Variants in GPC5 observed in about 807,000 individuals in gnomAD.
The protein encoded by GPC5 is glypican-5.
Under a neutral mutation model 53.9 loss-of-function variants are expected in GPC5, and 47 were observed. That is an observed-to-expected ratio of 0.87 (90% confidence interval 0.69 to 1.11). GPC5 has a LOEUF of 1.11. Ranked by LOEUF, GPC5 falls within the 50% of genes most tolerant of loss-of-function variation. GPC5 has a pLI of 0.00. For missense variants in GPC5, 748 were observed against 713.1 expected, an observed-to-expected ratio of 1.05 and a Z score of -0.56; for synonymous variants, 286 against 263.3, an observed-to-expected ratio of 1.09 and a Z score of -0.84.
intron 5 of GPC5, among the ~76,000 whole-genome samples, chr13:91,901,629 GCT>G (rs2138986854): frequency 6.6e-6 from 1 of 152,128 alleles, no homozygotes; most frequent in East Asian, 1.9e-4. Context: ...TTTCACATTT[GCT>G]GTCAGAACCA....
Position 92,058,769 on chromosome 13 carries a change from C to A in GPC5, c.1402-86061C>A, listed in dbSNP as rs557384725. 1.1e-3 allele frequency among the ~76,000 whole-genome samples: 171 copies of A among 152,206 alleles called. 2 individuals carry two copies. The highest frequency in any genetic ancestry group is 3.7e-3 in the African/African-American group (153 of 41,550). ...AGGTTGCCCAAGCTGGTCTTGAGCT[C>A]CTGACCTCAGGTGATCCACCCTCCT... On this transcript the variant is annotated intron_variant, in intron 6 of 7. Coordinates refer to ENST00000377067, the MANE Select transcript of GPC5 (RefSeq NM_004466.6).
chr13:91,498,296 G>C (rs550125556), intron 2 of GPC5, among the ~76,000 whole-genome samples: 6 of 102,856 alleles, frequency 5.8e-5, no homozygotes, highest in Admixed American at 1.2e-4. Context: ...CTTAAATAAA[G>C]TTTTAATTTA....
chr13:92,485,625 G>C (rs528920856), intron 7 of GPC5, among the ~76,000 whole-genome samples: 1 of 152,180 alleles, frequency 6.6e-6, no homozygotes, highest in Non-Finnish European at 1.5e-5. Flanking sequence ...TTTCTAGATG[G>C]TCATTCCACT....
intron 2 of GPC5, among the ~76,000 whole-genome samples, chr13:91,670,842 A>G (rs981450951): frequency 2.6e-5 from 4 of 152,328 alleles, no homozygotes; most frequent in African/African-American, 4.8e-5. Flanking sequence ...CTAACTTCAC[A>G]TGAAATTGCC....
chr13:91,451,563 C>CTA (rs1881176207), intron 2 of GPC5, among the ~76,000 whole-genome samples: 1 of 151,842 alleles, frequency 6.6e-6, no homozygotes, highest in Non-Finnish European at 1.5e-5. Flanking sequence ...AGTCCACTGC[C>CTA]TATGTATATT....
intron 2 of GPC5, among the ~76,000 whole-genome samples, chr13:91,618,654 A>ATT (rs5805709): frequency 6.7e-6 from 1 of 150,142 alleles, no homozygotes; most frequent in South Asian, 2.1e-4. Context: ...AATAACACAT[A>ATT]TTTTTTTTTT....
At chr13:92,521,929 A>G (rs1881066566) in intron 7 of GPC5, among the ~76,000 whole-genome samples, 2 of 152,184 alleles carry the variant, frequency 1.3e-5, no homozygotes, top group Non-Finnish European at 2.9e-5. Context: ...ACAAATTTAC[A>G]AGAAAAAAAC....
At chr13:92,610,670 G>T (rs1398124425) in intron 7 of GPC5, among the ~76,000 whole-genome samples, 3 of 152,150 alleles carry the variant, frequency 2.0e-5, no homozygotes, top group Non-Finnish European at 4.4e-5. Context: ...AGATTTAATT[G>T]ACTCATAGTT....
At position 92,673,136 on chromosome 13, in the gene GPC5, T is replaced by C. The variant is rs550709533; in HGVS notation, c.1562-193146T>C. The stretch of plus-strand genomic sequence containing the variant: ...ATAATTTTTTATGCATGACATAATA[T>C]GTTATTAAAATTCATTTACCTTTTT... On this transcript the variant is annotated intron_variant, in intron 7 of 7. Coordinates refer to ENST00000377067, the MANE Select transcript of GPC5 (RefSeq NM_004466.6). Among the ~76,000 whole-genome samples the C allele has an allele frequency of 6.7e-5, 10 of 149,786 alleles. No homozygotes were observed. In the East Asian group the frequency reaches 1.2e-3, roughly 17 times the overall value.
chr13:91,426,759 A>G (rs1049333039), intron 1 of GPC5, among the ~76,000 whole-genome samples: 2 of 152,216 alleles, frequency 1.3e-5, no homozygotes, highest in Non-Finnish European at 2.9e-5. Flanking sequence ...GCAGCTGATT[A>G]GATGGTGCCC....
intron 7 of GPC5, among the ~76,000 whole-genome samples, chr13:92,348,198 C>T (rs1176004541): frequency 2.0e-5 from 3 of 150,554 alleles, no homozygotes; most frequent in Non-Finnish European, 4.4e-5. Flanking sequence ...ATAAAAAAGC[C>T]CCAACTATTT....
chr13:92,861,274 C>T (rs1170651213), intron 7 of GPC5, among the ~76,000 whole-genome samples: 1 of 152,100 alleles, frequency 6.6e-6, no homozygotes, highest in Non-Finnish European at 1.5e-5. Context: ...ACATACTCTT[C>T]ATTATTCACA....
chr13:91,983,288 G>A (rs1475823480), intron 6 of GPC5, among the ~76,000 whole-genome samples: 3 of 151,886 alleles, frequency 2.0e-5, no homozygotes, highest in African/African-American at 4.8e-5. Context: ...GGAGCTTGCA[G>A]TGAGCTGAGA....
intron 2 of GPC5, among the ~76,000 whole-genome samples, chr13:91,514,702 A>T (rs950597856): frequency 1.3e-5 from 2 of 152,104 alleles, no homozygotes; most frequent in African/African-American, 4.8e-5. Context: ...ACAATATTAT[A>T]CTTATCTCCT....
chr13:92,266,343 G>T (rs978363435), intron 7 of GPC5, among the ~76,000 whole-genome samples: 1 of 152,252 alleles, frequency 6.6e-6, no homozygotes, highest in African/African-American at 2.4e-5. Context: ...TGAATGGGAA[G>T]ATTTTAAGGA....
chr13:92,028,333 T>C (rs2040816104), intron 6 of GPC5, among the ~76,000 whole-genome samples: 1 of 152,144 alleles, frequency 6.6e-6, no homozygotes, highest in Non-Finnish European at 1.5e-5. Context: ...AAATATCATA[T>C]AGCATATGGA....
chr13:92,401,786 G>A (rs1471449143), intron 7 of GPC5, among the ~76,000 whole-genome samples: 1 of 152,106 alleles, frequency 6.6e-6, no homozygotes, highest in Non-Finnish European at 1.5e-5. Context: ...CATAAATTGA[G>A]AAGGAGAGTC....
intron 7 of GPC5, among the ~76,000 whole-genome samples, chr13:92,698,665 C>G (rs1887636345): frequency 6.6e-6 from 1 of 152,060 alleles, no homozygotes; most frequent in African/African-American, 2.4e-5. Flanking sequence ...ATTTATAATC[C>G]TTTGGGTTTA....
chr13:91,860,780 G>A (rs895992039), intron 5 of GPC5, among the ~76,000 whole-genome samples: 1 of 152,020 alleles, frequency 6.6e-6, no homozygotes, highest in African/African-American at 2.4e-5. Context: ...GGGATTACAG[G>A]CATGAGCCGC....
Sources: allele counts gnomAD v4.1 joint callset (sites outside exome capture counted in the v4.1 genomes callset), GRCh38; gene constraint gnomAD v4.1.1; transcripts MANE v1.5; gene names NCBI Gene and HGNC (gene_info 2026-07-23, HGNC 2026-07-21).